Variants in GRIP1 observed in about 807,000 individuals in gnomAD.
GRIP1 encodes the protein glutamate receptor-interacting protein 1.
Under a neutral mutation model 129.9 loss-of-function variants are expected in GRIP1, and 45 were observed. The ratio of observed to expected loss-of-function variants is 0.35; its 90% CI spans 0.27 to 0.44. The LOEUF is 0.44. Among genes scored for constraint, GRIP1 ranks in the 20% least tolerant of loss-of-function variants. The pLI, the probability that GRIP1 is intolerant of heterozygous loss-of-function variation, is 1.00. For missense variants in GRIP1, 1,196 were observed against 1,396.8 expected (o/e 0.86, Z 2.29); for synonymous variants, 530 against 520.8 (o/e 1.02, Z -0.24).
In GRIP1 at chr12:66,909,709, A is replaced by AT. The variant is rs565483004; in HGVS notation, c.58+159340dup. Among the ~76,000 whole-genome samples the AT allele has an allele frequency of 2.2e-4, 33 of 152,224 alleles. No homozygotes were observed. In the East Asian group the frequency reaches 6.0e-3, roughly 28 times the overall value. On this transcript the variant is annotated intron_variant, in intron 1 of 1. Coordinates refer to the GRIP1 transcript ENST00000643019. ...TGTGTGTGAGAACAAGGTTTAGATG[A>AT]TTTTCTTCTAAAACATCTTTTGGCT... is the stretch of plus-strand genomic sequence containing the variant.
intron 1 of GRIP1, among the ~76,000 whole-genome samples, chr12:67,058,237 T>G (rs1202015777): frequency 6.6e-6 from 1 of 152,238 alleles, no homozygotes; most frequent in Non-Finnish European, 1.5e-5. Context: ...TACCAATAGG[T>G]GAAAACTACA....
intron 1 of GRIP1, among the ~76,000 whole-genome samples, chr12:66,695,508 A>G (rs1360458590): frequency 6.6e-6 from 1 of 152,152 alleles, no homozygotes; most frequent in Non-Finnish European, 1.5e-5. Context: ...GTCTACCACT[A>G]ATGGGATTGA....
intron 22 of GRIP1, 195 bp from the exon 23 acceptor site, chr12:66,372,122 C>T (rs1032257810): frequency 4.2e-5 from 26 of 625,300 alleles, no homozygotes; most frequent in Non-Finnish European, 6.3e-5. Context: ...ATTTATAATG[C>T]ACATCTCAAA....
chr12:66,737,162 G>C (rs1486780174), intron 1 of GRIP1, among the ~76,000 whole-genome samples: 1 of 152,178 alleles, frequency 6.6e-6, no homozygotes, highest in African/African-American at 2.4e-5. Flanking sequence ...CCCCTCAGTT[G>C]CATAAGATGC....
chr12:66,385,288 C>A (rs556193055), intron 19 of GRIP1, among the ~76,000 whole-genome samples: 7 of 152,298 alleles, frequency 4.6e-5, no homozygotes, highest in African/African-American at 1.7e-4. Context: ...GCAATCCCAG[C>A]ACTTTGGGAG....
chr12:66,518,938 T>C (rs1225438731), intron 5 of GRIP1, among the ~76,000 whole-genome samples: 2 of 152,204 alleles, frequency 1.3e-5, no homozygotes, highest in African/African-American at 2.4e-5. Context: ...CAATGCCAGT[T>C]TCCTTATCTA....
chr12:66,457,909 C>T (rs1157485708), intron 9 of GRIP1, among the ~76,000 whole-genome samples: 2 of 152,230 alleles, frequency 1.3e-5, no homozygotes, highest in African/African-American at 4.8e-5. Context: ...AAATCATCTA[C>T]CTCACAGGGA....
chr12:66,611,969 T>C (rs555504971), intron 1 of GRIP1, among the ~76,000 whole-genome samples: 2 of 152,306 alleles, frequency 1.3e-5, no homozygotes, highest in South Asian at 2.1e-4. Flanking sequence ...TTTTATATCA[T>C]AAAATATTTG....
At chr12:66,528,122 T>C (rs2061319643) in intron 5 of GRIP1, among the ~76,000 whole-genome samples, 1 of 135,912 alleles carries the variant, frequency 7.4e-6, no homozygotes. Flanking sequence ...AATTATACTT[T>C]AGAATTAGTA....
intron 1 of GRIP1, among the ~76,000 whole-genome samples, chr12:66,638,741 T>TTC (rs373118943): frequency 6.6e-6 from 1 of 151,878 alleles, no homozygotes; most frequent in Non-Finnish European, 1.5e-5. Context: ...TGGGATCTCA[T>TTC]TCTCTCTCTC....
intron 1 of GRIP1, among the ~76,000 whole-genome samples, chr12:66,923,930 C>T (rs985447412): frequency 8.5e-5 from 13 of 152,060 alleles, no homozygotes; most frequent in African/African-American, 2.2e-4. Context: ...CTGCAGCCTC[C>T]GCCTCCCAGG....
intron 13 of GRIP1, among the ~76,000 whole-genome samples, chr12:66,434,610 C>T (rs2058246121): frequency 6.6e-6 from 1 of 152,200 alleles, no homozygotes; most frequent in Admixed American, 6.5e-5. Flanking sequence ...TACTTCCTGA[C>T]TTCAGGAGCT....
At chr12:66,742,157 CT>C (rs2036808573) in intron 1 of GRIP1, among the ~76,000 whole-genome samples, 3 of 152,134 alleles carry the variant, frequency 2.0e-5, no homozygotes, top group Admixed American at 2.0e-4. Flanking sequence ...AGGTTTAGTA[CT>C]GAAAACTCCA....
At chr12:66,863,590 A>C (rs2040150064) in intron 1 of GRIP1, among the ~76,000 whole-genome samples, 1 of 151,992 alleles carries the variant, frequency 6.6e-6, no homozygotes, top group Non-Finnish European at 1.5e-5. Context: ...GTCGGTGTAA[A>C]TGTTCTGAGA....
At chr12:67,000,037 C>T (rs959760922) in intron 1 of GRIP1, among the ~76,000 whole-genome samples, 2 of 152,154 alleles carry the variant, frequency 1.3e-5, no homozygotes, top group Non-Finnish European at 2.9e-5. Context: ...CTACAGCTCA[C>T]AGAGTGACAG....
At chr12:66,642,569 G>A (rs1472456035) in intron 1 of GRIP1, among the ~76,000 whole-genome samples, 2 of 152,140 alleles carry the variant, frequency 1.3e-5, no homozygotes, top group Admixed American at 1.3e-4. Context: ...AATGACAGAA[G>A]CAGATTCCTG....
chr12:66,990,088 T>TTAA, intron 1 of GRIP1, among the ~76,000 whole-genome samples: 1 of 152,170 alleles, frequency 6.6e-6, no homozygotes, highest in Non-Finnish European at 1.5e-5. Context: ...GGATGGTACA[T>TTAA]AAGAAGGATG....
chr12:66,464,954 C>CCTTT (rs2059243898), intron 8 of GRIP1, among the ~76,000 whole-genome samples: 1 of 93,626 alleles, frequency 1.1e-5, no homozygotes, highest in Non-Finnish European at 2.7e-5. Context: ...TTCTTTCTTT[C>CCTTT]TTTTTTTTTT....
intron 1 of GRIP1, among the ~76,000 whole-genome samples, chr12:67,066,663 A>C (rs994627562): frequency 6.6e-6 from 1 of 152,052 alleles, no homozygotes; most frequent in African/African-American, 2.4e-5. Context: ...CTGACAGTTT[A>C]ATCTTTTTGT....
Sources: allele counts gnomAD v4.1 joint callset (sites outside exome capture counted in the v4.1 genomes callset), GRCh38; gene constraint gnomAD v4.1.1; transcripts MANE v1.5; gene names NCBI Gene and HGNC (gene_info 2026-07-23, HGNC 2026-07-21).